Variants in CGNL1 observed in about 807,000 individuals in gnomAD.
The protein encoded by CGNL1 is cingulin like 1.
CGNL1 carries 132 observed loss-of-function variants against 141.2 expected under a neutral mutation model. That is an observed-to-expected ratio of 0.93 (90% CI 0.81 to 1.08). The LOEUF (loss-of-function observed/expected upper bound fraction) is 1.08, where lower values mean the gene tolerates loss of function less well. CGNL1 is among the 50% of genes least tolerant of loss of function. CGNL1 has a pLI of 0.00. For missense variants in CGNL1, 1,870 were observed against 1,588.6 expected, an observed-to-expected ratio of 1.18 and a Z score of -3.01; for synonymous variants, 690 against 622.1, an observed-to-expected ratio of 1.11 and a Z score of -1.63.
chr15:57,422,419 A>C (rs2062926290), intron 1 of CGNL1, among the ~76,000 whole-genome samples: 1 of 152,148 alleles, frequency 6.6e-6, no homozygotes, highest in African/African-American at 2.4e-5. Context: ...GTTGGTTTTT[A>C]ATACAAGAAC....
chr15:57,468,428 T>C (rs1381914049), intron 8 of CGNL1, among the ~76,000 whole-genome samples: 3 of 151,820 alleles, frequency 2.0e-5, no homozygotes, highest in Non-Finnish European at 4.4e-5. Context: ...GACAGGGTTT[T>C]ACCACGTTGC....
At chr15:57,534,266 G>A (rs2032124322) in intron 14 of CGNL1, among the ~76,000 whole-genome samples, 2 of 152,326 alleles carry the variant, frequency 1.3e-5, no homozygotes, top group South Asian at 4.1e-4. Flanking sequence ...ATCTGAGATA[G>A]GGAGGGTATA....
chr15:57,404,709 C>G (rs1189955184), intron 1 of CGNL1, among the ~76,000 whole-genome samples: 1 of 152,080 alleles, frequency 6.6e-6, no homozygotes, highest in Non-Finnish European at 1.5e-5. Context: ...AAATTTCTTC[C>G]CAGTAAAGAG....
At chr15:57,404,389 T>G (rs1231740156) in intron 1 of CGNL1, among the ~76,000 whole-genome samples, 1 of 152,224 alleles carries the variant, frequency 6.6e-6, no homozygotes, top group African/African-American at 2.4e-5. Context: ...TATTTTCAAG[T>G]GAAGAATGCA....
rs772422375 is a variant in CGNL1, at chr15:57,524,744, A to G, written c.3032A>G (p.Gln1011Arg). The change falls in exon 12 of 19, where the codon CAG becomes CGG. Residue 1011 changes from glutamine (Q) to arginine (R), a missense_variant. Gln to Arg is a conservative substitution (Grantham distance 43, BLOSUM62 1). Transcript: ENST00000281282. ...EKSRLTAMKM[Q>R]DEMRLMEEEL... ...TCCCGACTGACAGCCATGAAAATGC[A>G]GGATGAGGTAATGCCTGGCCAGATA... The G allele has an allele frequency of 4.3e-6, 7 of 1,614,116 alleles. No individual in the cohort carries two copies. The highest frequency in any genetic ancestry group is 5.9e-6 in the Non-Finnish European group (7 of 1,179,956).
At chr15:57,488,834 G>A (rs1212062002) in intron 8 of CGNL1, among the ~76,000 whole-genome samples, 1 of 152,208 alleles carries the variant, frequency 6.6e-6, no homozygotes, top group East Asian at 1.9e-4. Context: ...TGACACAAAT[G>A]ACTTCCGGGC....
chr15:57,531,642 C>T (rs375734175), intron 13 of CGNL1, 48 bp from the exon 14 acceptor site: 73 of 1,236,980 alleles, frequency 5.9e-5, no homozygotes, highest in Non-Finnish European at 8.0e-5. Context: ...TGCTGTTAAT[C>T]CCGGTCAGTG....
intron 9 of CGNL1, 145 bp downstream of exon 9, chr15:57,517,131 C>T: frequency 5.0e-6 from 4 of 802,140 alleles, no homozygotes; most frequent in Non-Finnish European, 7.8e-6. Context: ...TCTCTGCAAG[C>T]CATTTCTTTG....
intron 1 of CGNL1, among the ~76,000 whole-genome samples, chr15:57,411,597 C>T (rs2152270395): frequency 6.6e-6 from 1 of 152,110 alleles, no homozygotes; most frequent in Admixed American, 6.5e-5. Context: ...GTGTCCGCCA[C>T]CATGCCAGGC....
intron 1 of CGNL1, among the ~76,000 whole-genome samples, chr15:57,383,779 C>G (rs2062453234): frequency 6.6e-6 from 1 of 151,838 alleles, no homozygotes; most frequent in Admixed American, 6.6e-5. Context: ...CAGATGCAGG[C>G]TACTATGCCT....
At chr15:57,509,821 T>G (rs546237128) in intron 8 of CGNL1, among the ~76,000 whole-genome samples, 23 of 152,360 alleles carry the variant, frequency 1.5e-4, no homozygotes, top group Admixed American at 4.6e-4. Context: ...GTCAACTATT[T>G]TTAAAGTAAT....
rs1360689378 is a variant in CGNL1, at chr15:57,508,367, G to A, written c.2404-8413G>A. 3.3e-5 allele frequency among the ~76,000 whole-genome samples: 5 copies of A among 152,260 alleles called. No homozygotes were observed. In the East Asian group the frequency reaches 9.6e-4, roughly 29 times the overall value. On this transcript the variant is annotated intron_variant, in intron 8 of 18. Transcript: ENST00000281282. Reference sequence around the variant, plus strand: ...ATGGGATTTAAAAATATTTTGCAATGGCTCAACCCCATCTTGCCCAAGAAA... The same window carrying A: ...ATGGGATTTAAAAATATTTTGCAATAGCTCAACCCCATCTTGCCCAAGAAA...
At chr15:57,393,658 A>G (rs573424285) in intron 1 of CGNL1, among the ~76,000 whole-genome samples, 1 of 147,646 alleles carries the variant, frequency 6.8e-6, no homozygotes, top group East Asian at 2.0e-4. Flanking sequence ...CCCGAGTTAA[A>G]TTTCTTGAGA....
chr15:57,530,677 A>T (rs1483372646), intron 13 of CGNL1, among the ~76,000 whole-genome samples: 1 of 152,142 alleles, frequency 6.6e-6, no homozygotes, highest in Non-Finnish European at 1.5e-5. Context: ...TTGGCCTTAG[A>T]GATGCTTGGC....
intron 8 of CGNL1, among the ~76,000 whole-genome samples, chr15:57,492,035 G>A (rs990251085): frequency 2.1e-4 from 32 of 152,272 alleles, no homozygotes; most frequent in Admixed American, 2.0e-3. Flanking sequence ...GGAAAAGGAC[G>A]TTAGGTAAAA....
intron 1 of CGNL1, among the ~76,000 whole-genome samples, chr15:57,414,643 C>T (rs1275269871): frequency 7.6e-6 from 1 of 131,924 alleles, no homozygotes; most frequent in African/African-American, 2.8e-5. Context: ...CTGTGTTCCT[C>T]ACACTTTTTT....
intron 1 of CGNL1, among the ~76,000 whole-genome samples, chr15:57,426,032 C>G (rs1236022152): frequency 6.6e-6 from 1 of 152,100 alleles, no homozygotes; most frequent in African/African-American, 2.4e-5. Context: ...AGGGACCCCC[C>G]TCCCCCGCCA....
intron 14 of CGNL1, among the ~76,000 whole-genome samples, chr15:57,539,674 C>A (rs376193555): frequency 1.3e-5 from 2 of 152,372 alleles, no homozygotes; most frequent in East Asian, 3.9e-4. Context: ...TCTTGTCCAG[C>A]CTGTGTGCTT....
At chr15:57,460,436 G>A (rs1160627612) in intron 7 of CGNL1, among the ~76,000 whole-genome samples, 2 of 152,130 alleles carry the variant, frequency 1.3e-5, no homozygotes, top group Non-Finnish European at 1.5e-5. Context: ...AGTATGGGTA[G>A]GAACAAAATG....
Sources: gnomAD v4.1 joint callset for allele counts (sites outside exome capture counted in the v4.1 genomes callset) on GRCh38, gnomAD v4.1.1 for gene constraint, MANE v1.5 for transcripts, NCBI Gene and HGNC (gene_info 2026-07-23, HGNC 2026-07-21) for gene names.